The following MMS19 variants were observed in gnomAD, a reference collection of about 807,000 sequenced individuals.
MMS19 encodes MMS19 nucleotide excision repair protein homolog.
A neutral mutation model predicts 129.8 loss-of-function variants in MMS19; 77 were observed. The ratio of observed to expected loss-of-function variants is 0.59; its 90% CI spans 0.49 to 0.72. MMS19 has a LOEUF of 0.72. Ranked by LOEUF, MMS19 falls within the 30% of genes least tolerant of loss-of-function variation. The pLI is 0.00. For missense variants in MMS19, 1,168 were observed against 1,266.3 expected, an observed-to-expected ratio of 0.92 and a Z score of 1.18; for synonymous variants, 491 against 502.8, an observed-to-expected ratio of 0.98 and a Z score of 0.31.
intron 10 of MMS19, 66 bp from the exon 11 acceptor site, chr10:97,469,789 C>A: frequency 7.1e-7 from 1 of 1,401,600 alleles, no homozygotes. Context: ...GCAGGTACCT[C>A]AGCATAATGG....
chr10:97,484,119 C>T lies in MMS19; in HGVS notation c.145G>A (p.Val49Ile). Residue 49 changes from valine (V) to isoleucine (I), a missense_variant, in exon 2 of 31, where the codon GTT (valine) becomes ATT (isoleucine). Val to Ile is a conservative substitution (Grantham distance 29, BLOSUM62 3). Coordinates refer to ENST00000438925, the MANE Select transcript of MMS19 (RefSeq NM_022362.5). ...GGCTCTTACCCAAGGGCTTCCACAACTTGTAACACTGTATAGTTGCCAGAT... is the reference window on the plus strand; with the variant it reads ...GGCTCTTACCCAAGGGCTTCCACAATTTGTAACACTGTATAGTTGCCAGAT... ...VKSGNYTVLQ[V>I]VEALGSSLEN... The T allele has an allele frequency of 6.5e-7, 1 of 1,547,640 alleles. No homozygotes were observed. Among genetic ancestry groups the T allele is most frequent in the East Asian group, 2.4e-5 (1 of 41,782 alleles).
chr10:97,463,845 G>C lies in MMS19; in HGVS notation c.1912+13C>G, dbSNP rs367728656. On this transcript the variant is annotated intron_variant, in intron 19 of 30. Coordinates refer to ENST00000438925, the MANE Select transcript of MMS19 (RefSeq NM_022362.5). ...AAGTTCCCAAAGGCCAGGAAGGAGAGGTGGAAAGTTACCTGGCATAGAGGC... is the reference window on the plus strand; with the variant it reads ...AAGTTCCCAAAGGCCAGGAAGGAGACGTGGAAAGTTACCTGGCATAGAGGC... 3 of 1,605,558 alleles carry C rather than the reference G, an allele frequency of 1.9e-6. No homozygotes were observed. Among genetic ancestry groups the C allele is most frequent in the Non-Finnish European group, 2.6e-6 (3 of 1,175,934 alleles).
intron 10 of MMS19, 122 bp from the exon 11 acceptor site, chr10:97,469,845 T>G (rs1420667369): frequency 3.9e-6 from 3 of 776,720 alleles, no homozygotes; most frequent in Non-Finnish European, 6.4e-6. Flanking sequence ...GTTAAGATTT[T>G]TAACAGTCCT....
intron 18 of MMS19, 32 bp downstream of exon 18, chr10:97,465,773 C>G (rs186570388): frequency 1.0e-5 from 16 of 1,597,942 alleles, no homozygotes; most frequent in Non-Finnish European, 1.2e-5. Context: ...CCTATTCAGC[C>G]CAGTCCGTTG....
At position 97,461,482 on chromosome 10, in the gene MMS19, T is replaced by G. The variant is rs763090249; in HGVS notation, c.2311+14A>C. 6 of 1,606,690 alleles carry G rather than the reference T, an allele frequency of 3.7e-6. No homozygotes were observed. Among genetic ancestry groups the G allele is most frequent in the Non-Finnish European group, 5.1e-6 (6 of 1,176,612 alleles). On this transcript the variant is annotated intron_variant, in intron 23 of 30. Transcript: ENST00000438925. ...TGATTCTGGGAGGCTCCTTACATAG[T>G]CTGATCTCAGTACCTGCAGGGTGCT...
At chr10:97,471,933 C>A (rs1373002195) in intron 8 of MMS19, among the ~76,000 whole-genome samples, 3 of 152,076 alleles carry the variant, frequency 2.0e-5, no homozygotes, top group African/African-American at 7.2e-5. Flanking sequence ...AGAGGTCCAA[C>A]AGAAGATTAA....
At chr10:97,480,267 T>C in intron 3 of MMS19, 1 of 453,378 alleles carries the variant, frequency 2.2e-6, no homozygotes, top group Non-Finnish European at 4.5e-6. Context: ...GCAGGCGGAG[T>C]TCCCTCTCTT....
chr10:97,463,504 G>A (rs991428202), intron 19 of MMS19, among the ~76,000 whole-genome samples: 7 of 152,248 alleles, frequency 4.6e-5, no homozygotes, highest in Admixed American at 3.3e-4. Context: ...AAATTGAAGC[G>A]TGGAAAGGCT....
At chr10:97,461,994 G>A (rs1292168092) in intron 21 of MMS19, 23 bp downstream of exon 21, 2 of 1,573,612 alleles carry the variant, frequency 1.3e-6, no homozygotes, top group African/African-American at 2.7e-5. Flanking sequence ...CAGCTTGAAG[G>A]ATGTAAGTTC....
At chr10:97,492,136 TAA>T (rs35108950) in intron 1 of MMS19, among the ~76,000 whole-genome samples, 1,019 of 98,206 alleles carry the variant, frequency 0.01, 6 homozygotes, top group Non-Finnish European at 0.013. Flanking sequence ...AAACTCAATC[TAA>T]AAAAAAAAAA....
intron 1 of MMS19, among the ~76,000 whole-genome samples, chr10:97,497,685 A>C (rs1161596014): frequency 6.6e-6 from 1 of 152,224 alleles, no homozygotes; most frequent in African/African-American, 2.4e-5. Context: ...CGCCACATAA[A>C]ACGTCATGGA....
rs754113160 is a variant in MMS19 at position 97,470,762 on chromosome 10, T to G, written c.771+13A>C. 4 of 1,592,046 alleles carry G rather than the reference T, an allele frequency of 2.5e-6. No homozygotes were observed. Among genetic ancestry groups the G allele is most frequent in the Non-Finnish European group, 2.6e-6 (3 of 1,160,200 alleles). ...GGGCAGAGGCTATATACCCTAACCTTGGCTAGACCCACCTCAGCAAATCGT... is the reference window on the plus strand; with the variant it reads ...GGGCAGAGGCTATATACCCTAACCTGGGCTAGACCCACCTCAGCAAATCGT... On this transcript the variant is annotated intron_variant, in intron 9 of 30. Transcript: ENST00000438925.
chr10:97,485,695 G>A (rs546079572), intron 1 of MMS19, among the ~76,000 whole-genome samples: 2 of 152,210 alleles, frequency 1.3e-5, no homozygotes, highest in Non-Finnish European at 2.9e-5. Context: ...TGATCCACCC[G>A]CCTCTGCCTC....
At chr10:97,487,463 C>T (rs942386955) in intron 1 of MMS19, among the ~76,000 whole-genome samples, 109 of 152,020 alleles carry the variant, frequency 7.2e-4, no homozygotes, top group Middle Eastern at 6.8e-3. Flanking sequence ...GGACTACAGG[C>T]GCCCACCACC....
rs1251864078 is a variant in MMS19 at position 97,460,132 on chromosome 10, T to G, written c.2570A>C (p.His857Pro). ...DCTDVLTRAG[H>P]AEVRIMFRQR... ...GCGGAACATGATCCGCACTTCGGCA[T>G]GGCCAGCACGAGTCAGCACATCAGT... The change falls in exon 26 of 31, where the codon CAT (histidine) becomes CCT (proline). Residue 857 changes from histidine (H) to proline (P), a missense_variant. Coordinates refer to ENST00000438925, the MANE Select transcript of MMS19 (RefSeq NM_022362.5). 1.9e-6 allele frequency: 3 copies of G among 1,614,030 alleles called. No individual in the cohort carries two copies. The highest frequency in any genetic ancestry group is 2.5e-6 in the Non-Finnish European group (3 of 1,179,902).
chr10:97,465,037 T>A (rs184505070), intron 18 of MMS19, among the ~76,000 whole-genome samples: 57 of 151,516 alleles, frequency 3.8e-4, no homozygotes, highest in African/African-American at 1.4e-3. Flanking sequence ...GAGATGGAGT[T>A]TCACCCTGTT....
intron 8 of MMS19, among the ~76,000 whole-genome samples, chr10:97,471,837 T>C (rs1260049891): frequency 1.3e-5 from 2 of 152,134 alleles, no homozygotes; most frequent in African/African-American, 2.4e-5. Flanking sequence ...GACTGGACTT[T>C]GATAGAAAAG....
intron 2 of MMS19, among the ~76,000 whole-genome samples, chr10:97,483,356 T>C (rs1440077155): frequency 1.3e-5 from 2 of 152,060 alleles, no homozygotes; most frequent in African/African-American, 4.8e-5. Context: ...ACCCAGCCAA[T>C]ACTGTATATA....
chr10:97,498,567 C>G, upstream of MMS19: 1 of 700,014 alleles, frequency 1.4e-6, no homozygotes, highest in East Asian at 3.2e-5. Context: ...GGCGGTGGCA[C>G]CGAGAGGGAA....
Sources: allele counts gnomAD v4.1 joint callset (sites outside exome capture counted in the v4.1 genomes callset), GRCh38; gene constraint gnomAD v4.1.1; transcripts MANE v1.5; gene names NCBI Gene and HGNC (gene_info 2026-07-23, HGNC 2026-07-21).